Variants in IL1RAPL1 observed in about 807,000 individuals in gnomAD.
The protein encoded by IL1RAPL1 is interleukin-1 receptor accessory protein-like 1.
In IL1RAPL1, 3 loss-of-function variants were observed where a neutral mutation model predicts 48.4. That is an observed-to-expected ratio of 0.06 (90% CI 0.03 to 0.16). The LOEUF (loss-of-function observed/expected upper bound fraction) is 0.16, where lower values mean the gene tolerates loss of function less well. Ranked by LOEUF, IL1RAPL1 falls within the 10% of genes least tolerant of loss-of-function variation. The probability of loss-of-function intolerance (pLI) is 1.00; values close to 1 mark genes in which losing one functional copy is unlikely to be tolerated. For missense variants in IL1RAPL1, 349 were observed against 530.6 expected (o/e 0.66, Z 3.36); for synonymous variants, 185 against 187.7 (o/e 0.99, Z 0.12).
intron 5 of IL1RAPL1, among the ~76,000 whole-genome samples, chrX:29,463,529 G>A (rs778467625): frequency 4.5e-5 from 5 of 111,134 alleles, no homozygotes; most frequent in African/African-American, 1.6e-4. Context: ...TTTTTACCCT[G>A]GTCCCTTGTT....
intron 1 of IL1RAPL1, among the ~76,000 whole-genome samples, chrX:28,672,896 A>T (rs1934961541): frequency 9.0e-6 from 1 of 110,725 alleles, no homozygotes; most frequent in African/African-American, 3.3e-5. Context: ...TTATTTCCTC[A>T]CCCAGGTATT....
chrX:29,513,230 C>G (rs1395437780), intron 5 of IL1RAPL1, among the ~76,000 whole-genome samples: 1 of 111,435 alleles, frequency 9.0e-6, no homozygotes. Context: ...TCACCTTGAC[C>G]ACTAAGTAGA....
intron 6 of IL1RAPL1, among the ~76,000 whole-genome samples, chrX:29,875,780 C>T (rs968804166): frequency 1.5e-4 from 17 of 111,984 alleles, no homozygotes; most frequent in African/African-American, 5.5e-4. Context: ...ACCATTGAAA[C>T]GTAAGCATGG....
At chrX:29,220,076 A>C (rs1930946130) in intron 2 of IL1RAPL1, among the ~76,000 whole-genome samples, 1 of 112,026 alleles carries the variant, frequency 8.9e-6, no homozygotes, top group Non-Finnish European at 1.9e-5. Context: ...GATAAGGTAC[A>C]GTTAGGGCTA....
At chrX:29,330,909 G>C (rs1932879893) in intron 3 of IL1RAPL1, among the ~76,000 whole-genome samples, 1 of 111,865 alleles carries the variant, frequency 8.9e-6, no homozygotes, top group Non-Finnish European at 1.9e-5. Flanking sequence ...GCTCACGTCT[G>C]TAATCCCAGC....
At chrX:29,853,537 A>T (rs943923047) in intron 6 of IL1RAPL1, among the ~76,000 whole-genome samples, 4 of 111,427 alleles carry the variant, frequency 3.6e-5, no homozygotes, top group African/African-American at 1.3e-4. Flanking sequence ...AGATCAAGTT[A>T]TCTGATGCTT....
At chrX:29,409,497 C>T (rs766532084) in intron 5 of IL1RAPL1, among the ~76,000 whole-genome samples, 10 of 111,640 alleles carry the variant, frequency 9.0e-5, no homozygotes, top group Non-Finnish European at 1.7e-4. Context: ...TGTCCTGAAA[C>T]CACTGACACT....
chrX:28,642,843 C>T (rs192859960), intron 1 of IL1RAPL1, among the ~76,000 whole-genome samples: 8,544 of 110,241 alleles, frequency 0.078, 282 homozygotes, highest in African/African-American at 0.13. Context: ...ACACGAAACA[C>T]GAAAAACCCT....
In IL1RAPL1 at chrX:29,116,734, G is replaced by A. The variant is rs147755686; in HGVS notation, c.83-166204G>A. Among the ~76,000 whole-genome samples, 347 of 111,340 alleles carry A rather than the reference G, an allele frequency of 3.1e-3. 1 individual carries two copies. The highest frequency in any genetic ancestry group is 5.9e-3 in the Non-Finnish European group (311 of 52,909). On this transcript the variant is annotated intron_variant, in intron 2 of 10. Transcript: ENST00000378993. Reference sequence around the variant, plus strand: ...GTGTTATAGTGGTAAGCATATATGGGTCATTAGTGGAGAAAAATATCGAAG... The same window carrying A: ...GTGTTATAGTGGTAAGCATATATGGATCATTAGTGGAGAAAAATATCGAAG...
At chrX:29,954,367 C>T (rs1933376630) in intron 9 of IL1RAPL1, among the ~76,000 whole-genome samples, 155 bp from the exon 10 acceptor site, 1 of 108,386 alleles carries the variant, frequency 9.2e-6, no homozygotes, top group African/African-American at 3.4e-5. Flanking sequence ...GTTTTAGAAT[C>T]ATTGAACTCA....
intron 6 of IL1RAPL1, among the ~76,000 whole-genome samples, chrX:29,734,273 C>T (rs779132695): frequency 8.9e-5 from 10 of 112,666 alleles, no homozygotes; most frequent in African/African-American, 3.2e-4. Context: ...ATAATTTCTT[C>T]AGACAGGAAC....
intron 2 of IL1RAPL1, among the ~76,000 whole-genome samples, chrX:29,153,805 A>G (rs888483784): frequency 4.4e-5 from 5 of 112,390 alleles, no homozygotes; most frequent in African/African-American, 1.6e-4. Flanking sequence ...ACTTGATTCT[A>G]ATAGTGGTTA....
intron 5 of IL1RAPL1, among the ~76,000 whole-genome samples, chrX:29,443,831 A>G (rs1262152863): frequency 9.0e-6 from 1 of 111,343 alleles, no homozygotes; most frequent in Non-Finnish European, 1.9e-5. Context: ...CTTATCCTCA[A>G]GGAGCTTAGT....
intron 2 of IL1RAPL1, among the ~76,000 whole-genome samples, chrX:29,148,641 T>C (rs1025887937): frequency 1.9e-4 from 21 of 111,966 alleles, no homozygotes; most frequent in African/African-American, 6.5e-4. Context: ...ATACCTTCTT[T>C]ACTTGGCAAC....
At chrX:28,704,834 A>C (rs917729843) in intron 1 of IL1RAPL1, among the ~76,000 whole-genome samples, 458 of 98,706 alleles carry the variant, frequency 4.6e-3, no homozygotes, top group Non-Finnish European at 6.3e-3. Context: ...ACACACACAA[A>C]AAAAAAAAAA....
chrX:29,856,963 C>T (rs1335371169), intron 6 of IL1RAPL1, among the ~76,000 whole-genome samples: 1 of 111,151 alleles, frequency 9.0e-6, no homozygotes, highest in Non-Finnish European at 1.9e-5. Context: ...ACATATAAAT[C>T]ATTAAGAAAA....
chrX:29,397,340 T>A (rs749086423), intron 4 of IL1RAPL1, among the ~76,000 whole-genome samples: 1 of 112,204 alleles, frequency 8.9e-6, no homozygotes, highest in African/African-American at 3.2e-5. Context: ...ATTCAAAAAC[T>A]GTTAGAAATA....
intron 2 of IL1RAPL1, among the ~76,000 whole-genome samples, chrX:29,078,689 A>G (rs1044327980): frequency 1.8e-5 from 2 of 112,267 alleles, no homozygotes; most frequent in African/African-American, 6.5e-5. Context: ...TTTATTCTAT[A>G]CTGAGTATAG....
intron 6 of IL1RAPL1, among the ~76,000 whole-genome samples, chrX:29,853,014 A>T (rs1302265795): frequency 9.0e-6 from 1 of 111,088 alleles, no homozygotes; most frequent in African/African-American, 3.3e-5. Flanking sequence ...TCTAGGGCAC[A>T]TGGGGTTTTA....
Sources: allele counts gnomAD v4.1 joint callset (sites outside exome capture counted in the v4.1 genomes callset), GRCh38; gene constraint gnomAD v4.1.1; transcripts MANE v1.5; gene names NCBI Gene and HGNC (gene_info 2026-07-23, HGNC 2026-07-21).